The following KCTD16 variants were observed in gnomAD, a reference collection of about 807,000 sequenced individuals.
KCTD16 encodes BTB/POZ domain-containing protein KCTD16.
A neutral mutation model predicts 33.2 loss-of-function variants in KCTD16; 13 were observed. The ratio of observed to expected loss-of-function variants is 0.39; its 90% CI spans 0.25 to 0.62. KCTD16 has a LOEUF of 0.62. KCTD16 is among the 20% of genes least tolerant of loss of function. KCTD16 has a pLI of 0.50. For synonymous variants in KCTD16, 197 were observed against 195.3 expected (o/e 1.01, Z -0.07); for missense variants, 441 against 525.1 (o/e 0.84, Z 1.57).
At chr5:144,437,603 C>T (rs561442931) in intron 3 of KCTD16, among the ~76,000 whole-genome samples, 1 of 152,238 alleles carries the variant, frequency 6.6e-6, no homozygotes, top group East Asian at 1.9e-4. Context: ...AGAGTTAATA[C>T]TGGATAGCCA....
intron 3 of KCTD16, among the ~76,000 whole-genome samples, chr5:144,340,890 A>T (rs1244487465): frequency 2.6e-5 from 4 of 152,068 alleles, no homozygotes; most frequent in Admixed American, 2.0e-4. Flanking sequence ...TCTCTACTAA[A>T]CATACAAAAA....
chr5:144,317,608 G>A (rs1206844754), intron 3 of KCTD16, among the ~76,000 whole-genome samples: 2 of 152,180 alleles, frequency 1.3e-5, no homozygotes, highest in African/African-American at 4.8e-5. Flanking sequence ...TTTGTTTCTA[G>A]TGTCAGTTCC....
At chr5:144,245,348 G>A (rs1260175720) in intron 3 of KCTD16, among the ~76,000 whole-genome samples, 1 of 152,192 alleles carries the variant, frequency 6.6e-6, no homozygotes, top group Non-Finnish European at 1.5e-5. Flanking sequence ...CCTCATCAGA[G>A]AAGTCAAGGA....
intron 3 of KCTD16, among the ~76,000 whole-genome samples, chr5:144,376,394 G>A (rs1752094302): frequency 6.6e-6 from 1 of 152,126 alleles, no homozygotes; most frequent in Admixed American, 6.5e-5. Flanking sequence ...TAATTCCTTT[G>A]TAGAGAGAGA....
At chr5:144,425,567 G>T (rs1024830102) in intron 3 of KCTD16, among the ~76,000 whole-genome samples, 2 of 151,936 alleles carry the variant, frequency 1.3e-5, no homozygotes, top group African/African-American at 4.8e-5. Flanking sequence ...GTGAAATCTA[G>T]GTGGAGGTAG....
chr5:144,272,513 A>C (rs1414076758), intron 3 of KCTD16, among the ~76,000 whole-genome samples: 1 of 152,154 alleles, frequency 6.6e-6, no homozygotes, highest in Non-Finnish European at 1.5e-5. Context: ...CAAAAGCCAA[A>C]ACAACCTTGA....
At chr5:144,344,550 G>A (rs1237834592) in intron 3 of KCTD16, among the ~76,000 whole-genome samples, 4 of 151,562 alleles carry the variant, frequency 2.6e-5, no homozygotes, top group Admixed American at 2.0e-4. Context: ...CAAAGGACAT[G>A]AACAGACACT....
At position 144,480,435 on chromosome 5, in the gene KCTD16, C is replaced by CA. The variant is rs896486679; in HGVS notation, c.*6328dup. The CA allele has an allele frequency of 6.6e-6, 1 of 151,600 alleles. No individual in the cohort carries two copies. Among genetic ancestry groups the CA allele is most frequent in the African/African-American group, 2.4e-5 (1 of 41,302 alleles). The allele number at this position is 151,600 out of a possible 1,614,324, so 9.4% of individuals were successfully genotyped here. A position where few individuals can be genotyped will look rare whatever the true frequency, so the allele number is the denominator to read the frequency against. Reference sequence around the variant, plus strand: ...ATATAGTGAAGAGTAGCATCTTATTCAAAAAAAGAATGTATTTTTGAAAGC... The same window carrying CA: ...ATATAGTGAAGAGTAGCATCTTATTCAAAAAAAAGAATGTATTTTTGAAAGC... On this transcript the variant is annotated 3_prime_UTR_variant, in exon 4 of 4. Transcript: ENST00000512467.
At position 144,472,297 on chromosome 5, in the gene KCTD16, T is replaced by C. The variant is rs116528996; in HGVS notation, c.833-1363T>C. The stretch of plus-strand genomic sequence containing the variant: ...ACATGATCGGTAAATAGTATTAAGT[T>C]TATGACTCCAGGAAGACTGTGGCTG... On this transcript the variant is annotated intron_variant, in intron 3 of 3. Coordinates refer to ENST00000512467, the MANE Select transcript of KCTD16 (RefSeq NM_020768.4). 9.0e-3 allele frequency among the ~76,000 whole-genome samples: 1,375 copies of C among 152,268 alleles called. 15 individuals carry two copies. The highest frequency in any genetic ancestry group is 0.014 in the Middle Eastern group (4 of 294).
Position 144,304,934 on chromosome 5 carries a change from G to T in KCTD16, c.832+97388G>T, listed in dbSNP as rs1751556988. Among the ~76,000 whole-genome samples, 3 of 150,218 alleles carry T rather than the reference G, an allele frequency of 2.0e-5. No homozygotes were observed. In the South Asian group the frequency reaches 6.4e-4, roughly 32 times the overall value. ...CACTAGGGCCAAAGGCCCTTTTGTG[G>T]TACTGGAAACAGAAACCTCGAAGCC... On this transcript the variant is annotated intron_variant, in intron 3 of 3. Transcript: ENST00000512467.
intron 3 of KCTD16, among the ~76,000 whole-genome samples, chr5:144,283,383 G>T (rs140417312): frequency 2.6e-5 from 4 of 152,312 alleles, no homozygotes; most frequent in African/African-American, 9.6e-5. Flanking sequence ...GGGAGAGAAA[G>T]TATGGAGTGA....
intron 3 of KCTD16, among the ~76,000 whole-genome samples, chr5:144,258,560 C>G (rs984548586): frequency 6.6e-6 from 1 of 152,064 alleles, no homozygotes; most frequent in African/African-American, 2.4e-5. Flanking sequence ...TGATTGTGTA[C>G]AGTTGCAATG....
chr5:144,259,392 AC>A (rs1754944282), intron 3 of KCTD16, among the ~76,000 whole-genome samples: 1 of 152,002 alleles, frequency 6.6e-6, no homozygotes, highest in Non-Finnish European at 1.5e-5. Context: ...AACACACAGT[AC>A]ATTTTATTTC....
At position 144,479,732 on chromosome 5, in the gene KCTD16, T is replaced by C. The variant is rs1399854041; in HGVS notation, c.*5618T>C. 6.6e-6 allele frequency: 1 copy of C among 152,014 alleles called. No individual in the cohort carries two copies. The highest frequency in any genetic ancestry group is 1.5e-5 in the Non-Finnish European group (1 of 67,964). 9.4% of individuals were successfully genotyped at this position (152,014 alleles called of 1,614,324 possible). A position where few individuals can be genotyped will look rare whatever the true frequency, so the allele number is the denominator to read the frequency against. On this transcript the variant is annotated 3_prime_UTR_variant, in exon 4 of 4. Coordinates refer to ENST00000512467, the MANE Select transcript of KCTD16 (RefSeq NM_020768.4). Reference sequence around the variant, plus strand: ...CTTCCTAATGTTCAAAAAATGTTTCTCTTGCTTGTGAACAAATTTTGTTGC... The same window carrying C: ...CTTCCTAATGTTCAAAAAATGTTTCCCTTGCTTGTGAACAAATTTTGTTGC...
At chr5:144,408,574 A>G (rs1467318267) in intron 3 of KCTD16, among the ~76,000 whole-genome samples, 8 of 152,226 alleles carry the variant, frequency 5.3e-5, no homozygotes, top group Admixed American at 5.2e-4. Flanking sequence ...GTGTAAGTCT[A>G]CCATGATGAC....
At chr5:144,205,781 C>A in intron 2 of KCTD16, 1 of 390,194 alleles carries the variant, frequency 2.6e-6, no homozygotes, top group Non-Finnish European at 4.5e-6. Flanking sequence ...TTTTTTGCGA[C>A]TTGTTTTAAC....
At chr5:144,399,083 A>C (rs955463576) in intron 3 of KCTD16, among the ~76,000 whole-genome samples, 12 of 152,310 alleles carry the variant, frequency 7.9e-5, no homozygotes, top group Non-Finnish European at 1.6e-4. Flanking sequence ...GTGTTGACTG[A>C]ACTCCTACTA....
chr5:144,192,122 A>G (rs2126780618), intron 2 of KCTD16, among the ~76,000 whole-genome samples: 1 of 152,254 alleles, frequency 6.6e-6, no homozygotes, highest in East Asian at 1.9e-4. Flanking sequence ...AGAAATTAGT[A>G]ATTGAAATTG....
chr5:144,390,052 T>C (rs945113903), intron 3 of KCTD16, among the ~76,000 whole-genome samples: 10 of 152,366 alleles, frequency 6.6e-5, no homozygotes, highest in East Asian at 1.9e-4. Flanking sequence ...CAAAAACTTC[T>C]TTTATCAAGA....
Sources: allele counts gnomAD v4.1 joint callset (sites outside exome capture counted in the v4.1 genomes callset), GRCh38; gene constraint gnomAD v4.1.1; transcripts MANE v1.5; gene names NCBI Gene and HGNC (gene_info 2026-07-23, HGNC 2026-07-21).